BABAM2: variants seen among roughly 807,000 people sequenced by gnomAD.
BABAM2 encodes BRISC and BRCA1 A complex member 2.
In BABAM2, 31 loss-of-function variants were observed where a neutral mutation model predicts 54.7. That is an observed-to-expected ratio of 0.57 (90% CI 0.43 to 0.77). BABAM2 has a LOEUF of 0.77. Ranked by LOEUF, BABAM2 falls within the 30% of genes least tolerant of loss-of-function variation. The probability of loss-of-function intolerance (pLI) is 0.00; values close to 1 mark genes in which losing one functional copy is unlikely to be tolerated. For missense variants in BABAM2, 364 were observed against 455.8 expected, an observed-to-expected ratio of 0.80 and a Z score of 1.83; for synonymous variants, 167 against 162.9, an observed-to-expected ratio of 1.03 and a Z score of -0.19.
chr2:28,022,319 CTGAT>C (rs1675330747), intron 4 of BABAM2, among the ~76,000 whole-genome samples: 1 of 152,316 alleles, frequency 6.6e-6, no homozygotes, highest in South Asian at 2.1e-4. Flanking sequence ...TTTTAGTTAA[CTGAT>C]TGGAGGAAGA....
chr2:27,917,442 C>T (rs1479608344), intron 2 of BABAM2, among the ~76,000 whole-genome samples: 4 of 152,136 alleles, frequency 2.6e-5, no homozygotes, highest in Admixed American at 2.6e-4. Flanking sequence ...CTAGAAAGTC[C>T]AGGATCATGG....
At chr2:28,178,006 TATTAG>T (rs1675200452) in intron 7 of BABAM2, among the ~76,000 whole-genome samples, 1 of 152,182 alleles carries the variant, frequency 6.6e-6, no homozygotes. Context: ...AAGCAAATAG[TATTAG>T]ATCTAAAGGG....
intron 1 of BABAM2, chr2:27,892,485 T>C (rs1204481691): frequency 6.6e-6 from 1 of 152,172 alleles, no homozygotes; most frequent in African/African-American, 2.4e-5. Context: ...ATAGGTATAT[T>C]TGTACTTAGC....
intron 2 of BABAM2, among the ~76,000 whole-genome samples, chr2:27,895,896 G>T (rs68118529): frequency 0.083 from 12,653 of 152,042 alleles, 836 homozygotes; most frequent in African/African-American, 0.18. Flanking sequence ...TTTTAGGTAT[G>T]TATTTTCCTC....
chr2:28,013,681 A>G (rs1025180309), intron 4 of BABAM2, among the ~76,000 whole-genome samples: 5 of 129,782 alleles, frequency 3.9e-5, no homozygotes, highest in African/African-American at 1.4e-4. Context: ...AAAAAAAAAA[A>G]AAAAAAAGCT....
intron 3 of BABAM2, among the ~76,000 whole-genome samples, chr2:27,953,644 CAAA>C (rs751089037): frequency 7.3e-6 from 1 of 136,868 alleles, no homozygotes; most frequent in Admixed American, 7.3e-5. Context: ...ACGATCTCAC[CAAA>C]AAAAAAAAAA....
intron 7 of BABAM2, among the ~76,000 whole-genome samples, chr2:28,153,391 T>C (rs960369689): frequency 9.2e-5 from 14 of 152,272 alleles, no homozygotes; most frequent in Non-Finnish European, 4.4e-5. Context: ...CATATACATA[T>C]AGATTTCTTG....
intron 4 of BABAM2, chr2:28,016,288 C>A: frequency 1.0e-6 from 1 of 954,076 alleles, no homozygotes; most frequent in Admixed American, 2.0e-5. Flanking sequence ...AGTTCTCATT[C>A]ATTTTTTCTT....
chr2:28,008,585 G>A (rs112858727), intron 4 of BABAM2, among the ~76,000 whole-genome samples: 47 of 152,268 alleles, frequency 3.1e-4, no homozygotes, highest in Admixed American at 1.6e-3. Context: ...CAAATGCTCC[G>A]TAATTCCTTA....
chr2:28,268,504 G>A (rs1040296996), intron 10 of BABAM2, among the ~76,000 whole-genome samples: 7 of 152,266 alleles, frequency 4.6e-5, no homozygotes, highest in Admixed American at 6.5e-5. Context: ...TGTATTACAA[G>A]TATTCTTTGG....
At chr2:27,912,366 C>T (rs760915811) in intron 2 of BABAM2, among the ~76,000 whole-genome samples, 3 of 151,980 alleles carry the variant, frequency 2.0e-5, no homozygotes, top group Non-Finnish European at 4.4e-5. Flanking sequence ...TACAGCACAG[C>T]ACAATGTATT....
chr2:28,050,183 G>A (rs980349027), intron 6 of BABAM2, among the ~76,000 whole-genome samples: 2 of 152,096 alleles, frequency 1.3e-5, no homozygotes, highest in African/African-American at 2.4e-5. Context: ...AGAATCTCAG[G>A]GCTTCTTGTT....
intron 11 of BABAM2, chr2:28,309,878 G>A (rs1337502321): frequency 7.2e-6 from 4 of 555,616 alleles, no homozygotes; most frequent in East Asian, 2.9e-5. Context: ...GCTGGTGAGC[G>A]ACACAGGAAT....
intron 6 of BABAM2, among the ~76,000 whole-genome samples, chr2:28,063,323 G>A (rs560359916): frequency 1.3e-5 from 2 of 152,260 alleles, no homozygotes; most frequent in African/African-American, 4.8e-5. Flanking sequence ...ACATTTTCTA[G>A]TAACCACATT....
At chr2:28,014,163 A>C (rs533135074) in intron 4 of BABAM2, among the ~76,000 whole-genome samples, 1 of 152,278 alleles carries the variant, frequency 6.6e-6, no homozygotes, top group South Asian at 2.1e-4. Context: ...AGGGTCACAT[A>C]CAGGATGGGG....
chr2:28,126,885 G>A (rs1346796350), intron 6 of BABAM2, among the ~76,000 whole-genome samples: 2 of 146,758 alleles, frequency 1.4e-5, no homozygotes, highest in East Asian at 4.0e-4. Flanking sequence ...GCATTTCTCT[G>A]ATGGCCAGTG....
chr2:28,197,135 G>A (rs1233275028), intron 7 of BABAM2, among the ~76,000 whole-genome samples: 1 of 151,952 alleles, frequency 6.6e-6, no homozygotes, highest in Non-Finnish European at 1.5e-5. Context: ...TTGCAGGCAC[G>A]AGCCACCACA....
At chr2:27,991,757 C>T (rs1672792525) in intron 4 of BABAM2, among the ~76,000 whole-genome samples, 1 of 152,174 alleles carries the variant, frequency 6.6e-6, no homozygotes, top group South Asian at 2.1e-4. Flanking sequence ...ACATCGTGTG[C>T]ATATACTGCA....
intron 7 of BABAM2, among the ~76,000 whole-genome samples, chr2:28,216,794 C>G (rs1184168967): frequency 6.6e-6 from 1 of 150,806 alleles, no homozygotes; most frequent in Admixed American, 6.6e-5. Context: ...AGTAACTTAC[C>G]CTCTCCTTCA....
Sources: gnomAD v4.1 joint callset for allele counts (sites outside exome capture counted in the v4.1 genomes callset) on GRCh38, gnomAD v4.1.1 for gene constraint, MANE v1.5 for transcripts, NCBI Gene and HGNC (gene_info 2026-07-23, HGNC 2026-07-21) for gene names.